The following GTPBP3 variants were observed in gnomAD, a reference collection of about 807,000 sequenced individuals.
GTPBP3 encodes the protein 5-taurinomethyluridine-[tRNA] synthase subunit GTPB3, mitochondrial.
GTPBP3 carries 35 observed loss-of-function variants against 42.0 expected under a neutral mutation model. The ratio of observed to expected loss-of-function variants is 0.83; its 90% CI spans 0.64 to 1.10. GTPBP3 has a LOEUF of 1.10. GTPBP3 is among the 50% of genes least tolerant of loss of function. The pLI is 0.00. For synonymous variants in GTPBP3, 332 were observed against 314.9 expected (o/e 1.05, Z -0.58); for missense variants, 691 against 685.2 (o/e 1.01, Z -0.09).
chr19:17,338,992 G>A lies in GTPBP3; in HGVS notation c.630G>A (p.Glu210=). ...AHVEAYIDFG[E]DDNLEEGVLE... ...TGGAGGCCTATATCGATTTCGGCGA[G>A]GATGACAACCTGGAGGAGGGGGTCC... is the stretch of plus-strand genomic sequence containing the variant. Residue 210 remains glutamate, a synonymous_variant, in exon 5 of 9, where the codon GAG becomes GAA. Transcript: ENST00000324894. 6.2e-7 allele frequency: 1 copy of A among 1,613,364 alleles called. No individual in the cohort carries two copies. The highest frequency in any genetic ancestry group is 8.5e-7 in the Non-Finnish European group (1 of 1,179,470).
In GTPBP3 at chr19:17,338,122, C is replaced by T. The variant is rs1220092128; in HGVS notation, c.168C>T (p.Pro56=). The change falls in exon 2 of 9, where the codon CCC becomes CCT. Residue 56 remains proline, a synonymous_variant. Transcript: ENST00000324894. ...TCGCAGTGATCCGGACCAGCGGCCC[C>T]GCCAGCGGCCACGCCCTCCGAATTC... The part of the protein sequence containing the change: ...CGIAVIRTSG[P]ASGHALRILT... 1.9e-6 allele frequency: 3 copies of T among 1,596,448 alleles called. No individual in the cohort carries two copies. The Admixed American group carries it at 5.0e-5, about 27-fold the overall frequency.
chr19:17,340,911 C>A, intron 7 of GTPBP3, 133 bp from the exon 8 acceptor site: 1 of 961,406 alleles, frequency 1.0e-6, no homozygotes, highest in Non-Finnish European at 1.5e-6. Flanking sequence ...TCCCCTGGTA[C>A]TCTACTCCTC....
In GTPBP3 at chr19:17,341,038, C is replaced by T. The variant is rs757903626; in HGVS notation, c.975-6C>T. ...GATCCCCGCTCAGTTGACCTTGCTCCCGCAGGCTAGAGCAGGCTGACCTCA... is the reference window on the plus strand; with the variant it reads ...GATCCCCGCTCAGTTGACCTTGCTCTCGCAGGCTAGAGCAGGCTGACCTCA... On this transcript the variant is annotated splice_polypyrimidine_tract_variant and splice_region_variant and intron_variant, in intron 7 of 8. Coordinates refer to ENST00000324894, the MANE Select transcript of GTPBP3 (RefSeq NM_032620.4). 6.2e-7 allele frequency: 1 copy of T among 1,610,364 alleles called. No individual in the cohort carries two copies. Among genetic ancestry groups the T allele is most frequent in the South Asian group, 1.1e-5 (1 of 90,928 alleles).
rs766357628 is a variant in GTPBP3, at chr19:17,338,786, G to A, written c.591+45G>A. ...ATTCTCTCCCTCAGAGACCCCATCT[G>A]TGCAACCCCTGCATGAGACCCCCTC... On this transcript the variant is annotated intron_variant, in intron 4 of 8. Transcript: ENST00000324894. The A allele has an allele frequency of 5.1e-6, 8 of 1,568,784 alleles. No individual in the cohort carries two copies. In the East Asian group the frequency reaches 1.6e-4, roughly 31 times the overall value.
At chr19:17,337,362 T>A, upstream of GTPBP3, 1 of 625,496 alleles carries the variant, frequency 1.6e-6, no homozygotes, top group Admixed American at 4.5e-5. Flanking sequence ...AAAAATTTGG[T>A]CTCATGTTGC....
At chr19:17,337,980 C>T in intron 1 of GTPBP3, 28 bp from the exon 2 acceptor site, 2 of 1,593,464 alleles carry the variant, frequency 1.3e-6, no homozygotes, top group Non-Finnish European at 1.7e-6. Flanking sequence ...CTCCCAGGTG[C>T]GCTGATTCGC....
At chr19:17,340,790 TC>T (rs565841938) in intron 7 of GTPBP3, among the ~76,000 whole-genome samples, 192 of 114,970 alleles carry the variant, frequency 1.7e-3, no homozygotes, top group African/African-American at 6.6e-3. Flanking sequence ...TCTGCCCCGC[TC>T]CCGCACCGTG....
chr19:17,339,892 G>T (rs1429582353), intron 7 of GTPBP3, among the ~76,000 whole-genome samples: 1 of 150,078 alleles, frequency 6.7e-6, no homozygotes, highest in East Asian at 1.9e-4. Flanking sequence ...GATTACAGGC[G>T]GGAGCGACCA....
intron 7 of GTPBP3, among the ~76,000 whole-genome samples, chr19:17,339,907 G>A (rs1045907321): frequency 2.7e-5 from 3 of 113,204 alleles, no homozygotes; most frequent in African/African-American, 4.3e-5. Flanking sequence ...CGACCACGCC[G>A]AACTATTTTT....
intron 1 of GTPBP3, 69 bp downstream of exon 1, chr19:17,337,733 T>G: frequency 6.9e-5 from 96 of 1,390,836 alleles, no homozygotes; most frequent in Non-Finnish European, 8.1e-5. Flanking sequence ...CTCCCTGGGT[T>G]TTAGGGGCCC....
At position 17,342,184 on chromosome 19, in the gene GTPBP3, A is replaced by G. The variant is rs113487706; in HGVS notation, c.*481A>G. The G allele has an allele frequency of 0.088, 13,177 of 149,528 alleles. 671 individuals are homozygous for G. Among genetic ancestry groups the G allele is most frequent in the Non-Finnish European group, 0.11 (7,705 of 67,772 alleles). The allele number at this position is 149,528 out of a possible 1,614,324, so 9.3% of individuals were successfully genotyped here. A position where few individuals can be genotyped will look rare whatever the true frequency, so the allele number is the denominator to read the frequency against. ...AGTGGTGCGACCTTGGCTCACTGCA[A>G]CCTCCATCTCCGGGGCTCAAGCGCT... On this transcript the variant is annotated 3_prime_UTR_variant, in exon 9 of 9. Transcript: ENST00000324894.
In GTPBP3 at chr19:17,341,845, T is replaced by C; in HGVS notation, c.*142T>C. On this transcript the variant is annotated 3_prime_UTR_variant, in exon 9 of 9. Coordinates refer to ENST00000324894, the MANE Select transcript of GTPBP3 (RefSeq NM_032620.4). ...ATAGTGAAGCAACACAGCTGAGAGGTAGTGAGATCCCTGCAGGGACTCCCT... is the reference window on the plus strand; with the variant it reads ...ATAGTGAAGCAACACAGCTGAGAGGCAGTGAGATCCCTGCAGGGACTCCCT... 1 of 708,926 alleles carries C rather than the reference T, an allele frequency of 1.4e-6. No individual in the cohort carries two copies. The highest frequency in any genetic ancestry group is 2.2e-5 in the South Asian group (1 of 45,426). The allele number at this position is 708,926 out of a possible 1,614,324, so 43.9% of individuals were successfully genotyped here.
At position 17,342,633 on chromosome 19, in the gene GTPBP3, T is replaced by A. The variant is rs1354694460; in HGVS notation, c.*930T>A. On this transcript the variant is annotated 3_prime_UTR_variant, in exon 9 of 9. Transcript: ENST00000324894. ...TGTGGTTGTCATGGCTTAATGTGTG[T>A]CTTTCCAGAACTTTGAATGTTTGCA... 1 of 152,174 alleles carries A rather than the reference T, an allele frequency of 6.6e-6. No homozygotes were observed. Among genetic ancestry groups the A allele is most frequent in the Non-Finnish European group, 1.5e-5 (1 of 68,036 alleles). 9.4% of individuals were successfully genotyped at this position (152,174 alleles called of 1,614,324 possible).
In GTPBP3 at chr19:17,339,513, A is replaced by C. The variant is rs2074406749; in HGVS notation, c.888A>C (p.Gly296=). 4 of 1,613,594 alleles carry C rather than the reference A, an allele frequency of 2.5e-6. No individual in the cohort carries two copies. Among genetic ancestry groups the C allele is most frequent in the Non-Finnish European group, 3.4e-6 (4 of 1,179,960 alleles). Residue 296 remains glycine (G), a synonymous_variant, in exon 7 of 9, where the codon GGA becomes GGC. Coordinates refer to ENST00000324894, the MANE Select transcript of GTPBP3 (RefSeq NM_032620.4). ...DVLETPVDLA[G]FPVLLSDTAG... is the part of the protein sequence containing the mutation. The stretch of plus-strand genomic sequence containing the variant: ...TGGAGACCCCAGTCGACCTGGCCGG[A>C]TTTCCTGTGCTGCTGAGCGACACGG...
Position 17,341,650 on chromosome 19 carries a change from G to C in GTPBP3, c.1426G>C (p.Gly476Arg), listed in dbSNP as rs202145850. The C allele has an allele frequency of 6.2e-7, 1 of 1,608,120 alleles. No homozygotes were observed. Among genetic ancestry groups the C allele is most frequent in the African/African-American group, 1.3e-5 (1 of 74,924 alleles). The change falls in exon 9 of 9, where the codon GGT (glycine) becomes CGT (arginine). Residue 476 changes from glycine to arginine, a missense_variant. Gly to Arg is a moderately radical substitution (Grantham distance 125). Coordinates refer to ENST00000324894, the MANE Select transcript of GTPBP3 (RefSeq NM_032620.4). ...GHLTRLTGGG[G>R]TEEILDIIFQ... ...CCTGACCCGGCTCACAGGTGGAGGG[G>C]GTACCGAGGAGATCCTGGACATCAT...
upstream of GTPBP3, chr19:17,335,232 C>T (rs113983944): frequency 6.0e-5 from 88 of 1,459,468 alleles, no homozygotes; most frequent in African/African-American, 1.2e-3. Context: ...TACAGCAAGC[C>T]CTGCTTAGGA....
At chr19:17,339,746 T>C in intron 7 of GTPBP3, 147 bp downstream of exon 7, 4 of 843,748 alleles carry the variant, frequency 4.7e-6, no homozygotes, top group Non-Finnish European at 3.5e-6. Context: ...TTCTTTTTTT[T>C]TTTTTTTTTT....
chr19:17,337,449 G>A (rs2074377596), upstream of GTPBP3: 3 of 1,231,488 alleles, frequency 2.4e-6, no homozygotes, highest in Non-Finnish European at 3.1e-6. Context: ...GCCAATGGAA[G>A]CGAGTATCTT....
upstream of GTPBP3, chr19:17,335,157 G>A: frequency 6.5e-7 from 1 of 1,535,214 alleles, no homozygotes; most frequent in South Asian, 1.2e-5. Flanking sequence ...GGAGGGGCGG[G>A]CCGGTTGGGG....
Sources: gnomAD v4.1 joint callset for allele counts (sites outside exome capture counted in the v4.1 genomes callset) on GRCh38, gnomAD v4.1.1 for gene constraint, MANE v1.5 for transcripts, NCBI Gene and HGNC (gene_info 2026-07-23, HGNC 2026-07-21) for gene names.